Variants in ULK2 observed in about 807,000 individuals in gnomAD.
The protein encoded by ULK2 is serine/threonine-protein kinase ULK2.
In ULK2, 76 loss-of-function variants were observed where a neutral mutation model predicts 127.5. That is an observed-to-expected ratio of 0.60 (90% CI 0.50 to 0.72). The LOEUF is 0.72. ULK2 is among the 30% of genes least tolerant of loss of function. The pLI is 0.00. For synonymous variants in ULK2, 452 were observed against 461.9 expected, an observed-to-expected ratio of 0.98 and a Z score of 0.28; for missense variants, 1,144 against 1,295.9, an observed-to-expected ratio of 0.88 and a Z score of 1.80.
intron 10 of ULK2, 59 bp downstream of exon 10, chr17:19,838,442 C>A (rs1456466999): frequency 1.4e-6 from 2 of 1,430,056 alleles, no homozygotes; most frequent in Non-Finnish European, 9.6e-7. Context: ...GTTTTTAAAT[C>A]TTTCGGCATA....
At chr17:19,777,503 T>A in intron 26 of ULK2, 78 bp downstream of exon 26, 1 of 1,457,480 alleles carries the variant, frequency 6.9e-7, no homozygotes. Context: ...AATTCCAAAC[T>A]CCAAGCTCTT....
At chr17:19,856,677 A>T (rs1402728513) in intron 3 of ULK2, among the ~76,000 whole-genome samples, 2 of 151,140 alleles carry the variant, frequency 1.3e-5, no homozygotes, top group Non-Finnish European at 2.9e-5. Flanking sequence ...TATTTGCTAT[A>T]AAACGAGTTT....
chr17:19,825,255 G>A, intron 11 of ULK2, 73 bp from the exon 12 acceptor site: 3 of 1,296,894 alleles, frequency 2.3e-6, no homozygotes, highest in Non-Finnish European at 3.3e-6. Flanking sequence ...AGAAACACTT[G>A]CCAAAACTAC....
chr17:19,861,044 A>T (rs930565674), intron 3 of ULK2: 12 of 151,666 alleles, frequency 7.9e-5, no homozygotes, highest in African/African-American at 2.9e-4. Context: ...ACCCTGGGCG[A>T]CAAGAGCAAG....
intron 3 of ULK2, among the ~76,000 whole-genome samples, chr17:19,851,394 T>C (rs187190917): frequency 2.3e-4 from 34 of 150,194 alleles, no homozygotes; most frequent in Admixed American, 1.5e-3. Flanking sequence ...TCCCAGCATT[T>C]TGGGAGGCCA....
chr17:19,822,789 C>A (rs535577848), intron 12 of ULK2, among the ~76,000 whole-genome samples: 2 of 151,924 alleles, frequency 1.3e-5, no homozygotes, highest in Non-Finnish European at 2.9e-5. Flanking sequence ...CGGGTTCAAG[C>A]GATTCTCCTG....
chr17:19,819,800 C>T (rs569359954), intron 12 of ULK2, among the ~76,000 whole-genome samples: 1 of 152,256 alleles, frequency 6.6e-6, no homozygotes, highest in African/African-American at 2.4e-5. Flanking sequence ...TCTTACCTGG[C>T]TCTTCTCCTT....
rs919095011 is a variant in ULK2, at chr17:19,775,987, G to A, written c.*362C>T. On this transcript the variant is annotated 3_prime_UTR_variant, in exon 27 of 27. Coordinates refer to ENST00000395544, the MANE Select transcript of ULK2 (RefSeq NM_014683.4). ...GCAAACACATGGAATTTCACACACT[G>A]CTCTGATGAACCCAGTGACGAGCAC... 3 of 196,102 alleles carry A rather than the reference G, an allele frequency of 1.5e-5. No homozygotes were observed. The highest frequency in any genetic ancestry group is 4.7e-5 in the African/African-American group (2 of 42,804). 12.1% of individuals were successfully genotyped at this position (196,102 alleles called of 1,614,324 possible).
chr17:19,783,700 C>A lies in ULK2; in HGVS notation c.2457G>T (p.Met819Ile). 1 of 1,524,780 alleles carries A rather than the reference C, an allele frequency of 6.6e-7. No homozygotes were observed. The highest frequency in any genetic ancestry group is 1.4e-5 in the African/African-American group (1 of 71,608). The allele number at this position is 1,524,780 out of a possible 1,614,324, so 94.5% of individuals were successfully genotyped here. A position where few individuals can be genotyped will look rare whatever the true frequency, so the allele number is the denominator to read the frequency against. ...EAPELPEETL[M>I]EREHTDTLRH... ...ACCACTATAGTCTCTTTTCTACCTC[C>A]ATCAGCGTCTCCTCCGGCAGTTCAG... Residue 819 changes from methionine (M) to isoleucine (I), a missense_variant, in exon 22 of 27, where the codon ATG becomes ATT. Physicochemically the swap from Met to Ile is conservative, Grantham distance 10. Transcript: ENST00000395544.
In ULK2 at chr17:19,781,978, G is replaced by T; in HGVS notation, c.2550C>A (p.Asn850Lys). 1 of 1,614,188 alleles carries T rather than the reference G, an allele frequency of 6.2e-7. No homozygotes were observed. The highest frequency in any genetic ancestry group is 1.1e-5 in the South Asian group (1 of 91,082). ...VLDLTAMRGGNPELCTSAVSL... is the reference protein window; with the variant it reads ...VLDLTAMRGGKPELCTSAVSL... ...ACACAGCAGATGTGCACAGCTCAGG[G>T]TTTCCTCCCCTCATGGCTGTCAGGT... The change falls in exon 23 of 27, where the codon AAC becomes AAA. Residue 850 changes from asparagine to lysine, a missense_variant. Asn to Lys is a moderately conservative substitution (Grantham distance 94). Transcript: ENST00000395544.
At chr17:19,807,814 A>T (rs2087546213) in intron 14 of ULK2, among the ~76,000 whole-genome samples, 2 of 152,170 alleles carry the variant, frequency 1.3e-5, no homozygotes, top group Admixed American at 6.5e-5. Context: ...CCCCCAAGGT[A>T]CCAGTGCTAC....
chr17:19,830,950 C>T (rs1009247227), intron 10 of ULK2, among the ~76,000 whole-genome samples: 7 of 151,496 alleles, frequency 4.6e-5, no homozygotes, highest in Non-Finnish European at 1.5e-5. Flanking sequence ...TCGCTTGAAC[C>T]CCGGAAGTGG....
chr17:19,796,363 A>G, intron 18 of ULK2, 81 bp from the exon 19 acceptor site: 2 of 1,292,214 alleles, frequency 1.5e-6, no homozygotes, highest in Non-Finnish European at 2.0e-6. Context: ...GGTTTGTGTG[A>G]CCCAGTAGTC....
chr17:19,800,354 G>A (rs2087372135), intron 16 of ULK2, among the ~76,000 whole-genome samples: 1 of 152,166 alleles, frequency 6.6e-6, no homozygotes, highest in Non-Finnish European at 1.5e-5. Flanking sequence ...TTAAGCAGAT[G>A]AGAAACATGT....
At chr17:19,818,322 C>CA (rs1333097274) in intron 12 of ULK2, among the ~76,000 whole-genome samples, 2,816 of 62,334 alleles carry the variant, frequency 0.045, 92 homozygotes, top group African/African-American at 0.14. Context: ...GACTCCGTCT[C>CA]AAAAAAAAAA....
intron 8 of ULK2, among the ~76,000 whole-genome samples, chr17:19,842,674 A>C (rs1286064662): frequency 6.6e-6 from 1 of 152,030 alleles, no homozygotes; most frequent in Non-Finnish European, 1.5e-5. Flanking sequence ...GGAGAGGAGG[A>C]GAAGACAGAC....
Position 19,867,349 on chromosome 17 carries a change from G to C in ULK2, c.69C>G (p.Val23=), listed in dbSNP as rs1193738018. ...TCACCTGGCGGTGCCGCCCCCGGAA[G>C]ACCACGGCGAAGGCCCCGTGTCCCA... The part of the protein sequence containing the change: ...DLVGHGAFAV[V]FRGRHRQKTD... Residue 23 remains valine (V), a synonymous_variant, in exon 1 of 27, where the codon GTC becomes GTG. Transcript: ENST00000395544. 11 of 1,601,366 alleles carry C rather than the reference G, an allele frequency of 6.9e-6. No homozygotes were observed. The highest frequency in any genetic ancestry group is 6.8e-6 in the Non-Finnish European group (8 of 1,175,262).
chr17:19,796,396 G>A (rs531384365), intron 18 of ULK2, 114 bp from the exon 19 acceptor site: 50 of 978,148 alleles, frequency 5.1e-5, no homozygotes, highest in East Asian at 2.4e-4. Flanking sequence ...GAGATAGGTC[G>A]GGTGGTGGGA....
At chr17:19,832,266 C>CTT (rs139741876) in intron 10 of ULK2, among the ~76,000 whole-genome samples, 2 of 140,442 alleles carry the variant, frequency 1.4e-5, no homozygotes, top group Admixed American at 7.1e-5. Context: ...GAAACATTTT[C>CTT]TTTTTTTTTT....
Sources: gnomAD v4.1 joint callset for allele counts (sites outside exome capture counted in the v4.1 genomes callset) on GRCh38, gnomAD v4.1.1 for gene constraint, MANE v1.5 for transcripts, NCBI Gene and HGNC (gene_info 2026-07-23, HGNC 2026-07-21) for gene names.